PLA2G15: variants seen among roughly 807,000 people sequenced by gnomAD.
PLA2G15 encodes the protein phospholipase A2 group XV, also known as lysosomal phospholipase A and acyltransferase.
A neutral mutation model predicts 40.9 loss-of-function variants in PLA2G15; 20 were observed. The ratio of observed to expected loss-of-function variants is 0.49; its 90% CI spans 0.34 to 0.71. PLA2G15 has a LOEUF of 0.71. Among genes scored for constraint, PLA2G15 ranks in the 30% least tolerant of loss-of-function variants. PLA2G15 has a pLI of 0.01. For synonymous variants in PLA2G15, 223 were observed against 228.2 expected (o/e 0.98, Z 0.21); for missense variants, 471 against 541.9 (o/e 0.87, Z 1.30).
At chr16:68,252,626 T>C (rs1159329772) in intron 2 of PLA2G15, 1 of 455,824 alleles carries the variant, frequency 2.2e-6, no homozygotes, top group Admixed American at 2.4e-5. Flanking sequence ...AGATCACGTG[T>C]GTGGTGTTAG....
chr16:68,253,985 G>A (rs535953792), intron 2 of PLA2G15, among the ~76,000 whole-genome samples: 5 of 152,190 alleles, frequency 3.3e-5, no homozygotes, highest in East Asian at 1.9e-4. Flanking sequence ...CACTGCACCC[G>A]GCCCCTGTCT....
chr16:68,246,916 T>G (rs2042314257), intron 1 of PLA2G15, among the ~76,000 whole-genome samples: 1 of 152,054 alleles, frequency 6.6e-6, no homozygotes, highest in Non-Finnish European at 1.5e-5. Context: ...GAGTCCTGGG[T>G]TGGCCTGCAG....
chr16:68,251,802 G>T (rs970875497), intron 2 of PLA2G15, among the ~76,000 whole-genome samples: 8 of 151,468 alleles, frequency 5.3e-5, no homozygotes. Flanking sequence ...AGAGGTTGCA[G>T]TGAGCAGAGA....
Position 68,259,388 on chromosome 16 carries a change from C to T in PLA2G15, c.970C>T (p.Pro324Ser). Residue 324 changes from proline (P) to serine (S), a missense_variant, in exon 6 of 6, where the codon CCT becomes TCT. Physicochemically the swap from Pro to Ser is moderately conservative, Grantham distance 74. Transcript: ENST00000219345. The surrounding 1 kb of genome is among the most constrained non-coding windows in gnomAD (Gnocchi z 6.5). ...TEGLVEATMP[P>S]GVQLHCLYGT... Reference sequence around the variant, plus strand: ...AGGGCTGGTGGAAGCCACGATGCCACCTGGCGTGCAGCTGCACTGCCTCTA... The same window carrying T: ...AGGGCTGGTGGAAGCCACGATGCCATCTGGCGTGCAGCTGCACTGCCTCTA... 1.2e-6 allele frequency: 2 copies of T among 1,614,034 alleles called. No individual in the cohort carries two copies. Among genetic ancestry groups the T allele is most frequent in the Non-Finnish European group, 1.7e-6 (2 of 1,180,044 alleles).
chr16:68,257,351 G>A (rs755868281), intron 5 of PLA2G15, among the ~76,000 whole-genome samples: 25 of 152,174 alleles, frequency 1.6e-4, no homozygotes, highest in Non-Finnish European at 3.2e-4. Context: ...TTATTTATGA[G>A]TTGCGCCTCC....
At chr16:68,253,691 G>GTTT (rs58831503) in intron 2 of PLA2G15, among the ~76,000 whole-genome samples, 4,187 of 124,842 alleles carry the variant, frequency 0.034, 259 homozygotes, top group African/African-American at 0.11. Flanking sequence ...GTTTTGTTTT[G>GTTT]TTTTTTTTTT....
At position 68,259,721 on chromosome 16, in the gene PLA2G15, T is replaced by C; in HGVS notation, c.*64T>C. The stretch of plus-strand genomic sequence containing the variant: ...CTGCTGTTGGCCTCTGGGGCTGTCA[T>C]GGCCCACGCGTTTTGCAAAGTTTGT... On this transcript the variant is annotated 3_prime_UTR_variant, in exon 6 of 6. Coordinates refer to ENST00000219345, the MANE Select transcript of PLA2G15 (RefSeq NM_012320.4). The surrounding 1 kb of genome is among the most constrained non-coding windows in gnomAD (Gnocchi z 6.5). 2 of 1,515,170 alleles carry C rather than the reference T, an allele frequency of 1.3e-6. No homozygotes were observed. Among genetic ancestry groups the C allele is most frequent in the Admixed American group, 1.9e-5 (1 of 53,894 alleles). The allele number at this position is 1,515,170 out of a possible 1,614,324, so 93.9% of individuals were successfully genotyped here. A position where few individuals can be genotyped will look rare whatever the true frequency, so the allele number is the denominator to read the frequency against.
At chr16:68,245,992 CA>C (rs899041766) in intron 1 of PLA2G15, among the ~76,000 whole-genome samples, 8 of 152,276 alleles carry the variant, frequency 5.3e-5, no homozygotes, top group Admixed American at 3.9e-4. Context: ...CCACATATGC[CA>C]GAAGGCATTG....
At chr16:68,248,635 C>A (rs758773271) in intron 1 of PLA2G15, 2 of 532,570 alleles carry the variant, frequency 3.8e-6, no homozygotes, top group Non-Finnish European at 2.5e-6. Flanking sequence ...GATCCACTCA[C>A]CTCGGCCTCC....
rs577801575 is a variant in PLA2G15 at position 68,256,079 on chromosome 16, C to A, written c.727+89C>A. Reference sequence around the variant, plus strand: ...CTAAGTGTCCTCCTGGGCCAGCATGCCTCGTGTCTGTCCCACGGTGTGTGG... The same window carrying A: ...CTAAGTGTCCTCCTGGGCCAGCATGACTCGTGTCTGTCCCACGGTGTGTGG... On this transcript the variant is annotated intron_variant, in intron 5 of 5. Transcript: ENST00000219345. The A allele has an allele frequency of 1.4e-5, 11 of 813,532 alleles. No individual in the cohort carries two copies. The East Asian group carries it at 2.9e-4, about 22-fold the overall frequency. 50.4% of individuals were successfully genotyped at this position (813,532 alleles called of 1,614,324 possible).
chr16:68,247,750 G>A (rs546016029), intron 1 of PLA2G15, among the ~76,000 whole-genome samples: 4 of 152,346 alleles, frequency 2.6e-5, no homozygotes, highest in African/African-American at 7.2e-5. Context: ...GGGAGGGCAC[G>A]CCCTGTTCAG....
intron 2 of PLA2G15, chr16:68,253,383 T>A: frequency 2.3e-6 from 1 of 433,388 alleles, no homozygotes; most frequent in South Asian, 1.7e-5. Context: ...TGTTTGTTTG[T>A]TTGTTTTTTT....
At chr16:68,256,096 G>A (rs1319450880) in intron 5 of PLA2G15, 106 bp downstream of exon 5, 3 of 680,152 alleles carry the variant, frequency 4.4e-6, no homozygotes, top group South Asian at 1.9e-5. Context: ...TCTGTCCCAC[G>A]GTGTGTGGGG....
At chr16:68,258,896 G>C in intron 5 of PLA2G15, 1 of 489,526 alleles carries the variant, frequency 2.0e-6, no homozygotes, top group Non-Finnish European at 3.6e-6. Context: ...AGAGGTTGAG[G>C]CTGCTGTGAG....
At chr16:68,250,281 T>C in intron 2 of PLA2G15, 1 of 396,178 alleles carries the variant, frequency 2.5e-6, no homozygotes, top group South Asian at 1.8e-5. Context: ...TTTTTAACTT[T>C]TATTTTTTGA....
intron 2 of PLA2G15, chr16:68,252,432 C>T (rs2042362570): frequency 2.6e-6 from 1 of 388,338 alleles, no homozygotes; most frequent in African/African-American, 2.1e-5. Flanking sequence ...CAGCCTCGCA[C>T]AGAGGCACAA....
chr16:68,257,443 T>C (rs1301129972), intron 5 of PLA2G15, among the ~76,000 whole-genome samples: 1 of 152,106 alleles, frequency 6.6e-6, no homozygotes, highest in Admixed American at 6.5e-5. Flanking sequence ...TGCCTGGCAA[T>C]TGGGAAAGCC....
chr16:68,254,453 G>C (rs1440040836), intron 2 of PLA2G15: 1 of 154,978 alleles, frequency 6.5e-6, no homozygotes, highest in Non-Finnish European at 1.4e-5. Flanking sequence ...CGATTCTCCT[G>C]CCTCAGCCTC....
At position 68,255,438 on chromosome 16, in the gene PLA2G15, A is replaced by C. The variant is rs1198414435; in HGVS notation, c.502+58A>C. On this transcript the variant is annotated intron_variant, in intron 4 of 5. Transcript: ENST00000219345. This position sits in a 1 kb window ranked among gnomAD's most constrained non-coding sequence, Gnocchi z 5.9. Reference sequence around the variant, plus strand: ...CTCGGGAGGTAGGGGTGAGGTGATCATGGGCACCACAGACCTTGGGCTCTC... The same window carrying C: ...CTCGGGAGGTAGGGGTGAGGTGATCCTGGGCACCACAGACCTTGGGCTCTC... The C allele has an allele frequency of 8.3e-7, 1 of 1,203,398 alleles. No homozygotes were observed. The highest frequency in any genetic ancestry group is 2.4e-5 in the East Asian group (1 of 42,250). The allele number at this position is 1,203,398 out of a possible 1,614,324, so 74.5% of individuals were successfully genotyped here. A position where few individuals can be genotyped will look rare whatever the true frequency, so the allele number is the denominator to read the frequency against.
Sources: gnomAD v4.1 joint callset for allele counts (sites outside exome capture counted in the v4.1 genomes callset) on GRCh38, gnomAD v4.1.1 for gene constraint, Gnocchi (gnomAD v3.1) non-coding constraint, MANE v1.5 for transcripts, NCBI Gene and HGNC (gene_info 2026-07-23, HGNC 2026-07-21) for gene names.